The following RASA1 variants were observed in gnomAD, a reference collection of about 807,000 sequenced individuals.
RASA1 encodes ras GTPase-activating protein 1.
RASA1 carries 25 observed loss-of-function variants against 132.2 expected under a neutral mutation model. That is an observed-to-expected ratio of 0.19 (90% CI 0.14 to 0.26). RASA1 has a LOEUF of 0.26. Among genes scored for constraint, RASA1 ranks in the 10% least tolerant of loss-of-function variants. The probability of loss-of-function intolerance (pLI) is 1.00; values close to 1 mark genes in which losing one functional copy is unlikely to be tolerated. For synonymous variants in RASA1, 477 were observed against 449.9 expected (o/e 1.06, Z -0.76); for missense variants, 964 against 1,299.2 (o/e 0.74, Z 3.97).
At chr5:87,290,347 A>C (rs971447679) in intron 1 of RASA1, among the ~76,000 whole-genome samples, 2 of 152,172 alleles carry the variant, frequency 1.3e-5, no homozygotes, top group African/African-American at 4.8e-5. Flanking sequence ...AAAATTAATA[A>C]ACTTTATTTT....
intron 6 of RASA1, among the ~76,000 whole-genome samples, chr5:87,344,701 T>G (rs935006751): frequency 6.4e-4 from 92 of 144,394 alleles, no homozygotes; most frequent in African/African-American, 2.4e-3. Flanking sequence ...TTTTTTTTTG[T>G]AAAGATGAGG....
intron 1 of RASA1, among the ~76,000 whole-genome samples, chr5:87,286,953 A>G (rs926598578): frequency 6.8e-6 from 1 of 148,002 alleles, no homozygotes; most frequent in Non-Finnish European, 1.5e-5. Flanking sequence ...CCATATATAT[A>G]CATACCATAT....
chr5:87,353,359 A>G, intron 9 of RASA1, 124 bp downstream of exon 9: 1 of 818,626 alleles, frequency 1.2e-6, no homozygotes, highest in South Asian at 1.6e-5. Flanking sequence ...GATTATTTAG[A>G]TTTTTTTAGA....
chr5:87,296,208 C>G lies in RASA1; in HGVS notation c.539+27218C>G, dbSNP rs116771873. Among the ~76,000 whole-genome samples the G allele has an allele frequency of 4.7e-3, 715 of 151,736 alleles. 6 individuals carry two copies. The highest frequency in any genetic ancestry group is 0.016 in the African/African-American group (654 of 41,328). ...TTTCCAAGCACATTGTCAAATAGTA[C>G]TGTATTGCTTCATGGGTTGTGTAAG... On this transcript the variant is annotated intron_variant, in intron 1 of 24. Coordinates refer to ENST00000274376, the MANE Select transcript of RASA1 (RefSeq NM_002890.3).
At chr5:87,289,371 A>G (rs1754815995) in intron 1 of RASA1, among the ~76,000 whole-genome samples, 1 of 152,174 alleles carries the variant, frequency 6.6e-6, no homozygotes, top group African/African-American at 2.4e-5. Context: ...TTTATAATTA[A>G]TAAATAATAA....
rs775774342 is a variant in RASA1 at position 87,376,399 on chromosome 5, T to C, written c.2018T>C (p.Met673Thr). ...KKSKDPDILF[M>T]RCQLSRLQKG... is the part of the protein sequence containing the mutation. The stretch of plus-strand genomic sequence containing the variant: ...GCTTGTTTTTCTTCCCAAGTATTTA[T>C]GCGCTGCCAGTTGAGCCGATTACAG... Residue 673 changes from methionine (M) to threonine (T), a missense_variant, in exon 16 of 25, where the codon ATG becomes ACG. By Grantham distance (81) the Met-to-Thr change is moderately conservative. This residue lies in a region of RASA1 where 346 missense variants were observed against 520.1 expected (regional missense o/e 0.67). Coordinates refer to ENST00000274376, the MANE Select transcript of RASA1 (RefSeq NM_002890.3). 1.2e-6 allele frequency: 2 copies of C among 1,613,988 alleles called. No homozygotes were observed. The highest frequency in any genetic ancestry group is 1.7e-6 in the Non-Finnish European group (2 of 1,179,958).
chr5:87,370,005 C>T, intron 12 of RASA1, 105 bp downstream of exon 12: 2 of 952,568 alleles, frequency 2.1e-6, no homozygotes, highest in South Asian at 3.0e-5. Flanking sequence ...TGACAGAACG[C>T]CTGAAATCTA....
chr5:87,284,724 G>T (rs1465471466), intron 1 of RASA1, among the ~76,000 whole-genome samples: 2 of 152,050 alleles, frequency 1.3e-5, no homozygotes, highest in African/African-American at 4.8e-5. Flanking sequence ...TGTTTGGTTA[G>T]CACATAAATC....
chr5:87,388,580 A>G (rs1328813837), intron 23 of RASA1, among the ~76,000 whole-genome samples: 3 of 152,198 alleles, frequency 2.0e-5, no homozygotes, highest in African/African-American at 7.2e-5. Context: ...ATTTTGGGTG[A>G]TATTCAACCT....
At chr5:87,308,255 C>T (rs893856764) in intron 1 of RASA1, among the ~76,000 whole-genome samples, 1 of 151,696 alleles carries the variant, frequency 6.6e-6, no homozygotes, top group African/African-American at 2.4e-5. Context: ...CAGCCTCTTG[C>T]TTTGTGACCA....
intron 1 of RASA1, among the ~76,000 whole-genome samples, chr5:87,322,941 G>A (rs1756936954): frequency 6.6e-6 from 1 of 152,164 alleles, no homozygotes; most frequent in Non-Finnish European, 1.5e-5. Flanking sequence ...TGTGTTTGTG[G>A]AGATATTTGC....
At chr5:87,370,352 G>A (rs1187276176) in intron 12 of RASA1, among the ~76,000 whole-genome samples, 1 of 152,186 alleles carries the variant, frequency 6.6e-6, no homozygotes, top group African/African-American at 2.4e-5. Flanking sequence ...GCCAAGTCGA[G>A]ATATAATGTC....
rs747997542 is a variant in RASA1, at chr5:87,305,212, C to T, written c.540-26136C>T. 8.9e-4 allele frequency among the ~76,000 whole-genome samples: 136 copies of T among 152,138 alleles called. 1 individual carries two copies. Among genetic ancestry groups the T allele is most frequent in the Admixed American group, 1.4e-3 (22 of 15,280 alleles). ...TTTAAGATTTAGTTTTGCCAAAGAACGAAACTGGAGGCATCATGCTACCCA... is the reference window on the plus strand; with the variant it reads ...TTTAAGATTTAGTTTTGCCAAAGAATGAAACTGGAGGCATCATGCTACCCA... On this transcript the variant is annotated intron_variant, in intron 1 of 24. Transcript: ENST00000274376.
intron 5 of RASA1, among the ~76,000 whole-genome samples, chr5:87,338,903 T>C (rs1264647373): frequency 6.6e-6 from 1 of 152,154 alleles, no homozygotes; most frequent in African/African-American, 2.4e-5. Context: ...GTTTCCATCA[T>C]ATAATACGTT....
In RASA1 at chr5:87,374,462, T is replaced by A. The variant is rs868231111; in HGVS notation, c.1934+142T>A. 0.026 allele frequency: 6,618 copies of A among 258,334 alleles called. 68 individuals carry two copies. Among genetic ancestry groups the A allele is most frequent in the Middle Eastern group, 0.041 (25 of 608 alleles). The allele number at this position is 258,334 out of a possible 1,614,324, so 16.0% of individuals were successfully genotyped here. A position where few individuals can be genotyped will look rare whatever the true frequency, so the allele number is the denominator to read the frequency against. On this transcript the variant is annotated intron_variant, in intron 14 of 24. Transcript: ENST00000274376. ...AATAGCATATATATATATATATATT[T>A]TTTTTTTTTTTTTCTGTTGTTTGTT... is the stretch of plus-strand genomic sequence containing the variant.
chr5:87,274,915 T>C (rs768645064), intron 1 of RASA1, among the ~76,000 whole-genome samples: 18 of 152,326 alleles, frequency 1.2e-4, no homozygotes, highest in South Asian at 4.1e-4. Flanking sequence ...ACAGAACTTT[T>C]AGTTACCTGT....
chr5:87,367,913 G>C, intron 11 of RASA1, among the ~76,000 whole-genome samples: 1 of 151,694 alleles, frequency 6.6e-6, no homozygotes, highest in East Asian at 1.9e-4. Context: ...ACTTTCTCTG[G>C]ATGCTTTGAG....
At chr5:87,311,999 G>A (rs1755953000) in intron 1 of RASA1, among the ~76,000 whole-genome samples, 1 of 152,210 alleles carries the variant, frequency 6.6e-6, no homozygotes. Flanking sequence ...GCATACTGGT[G>A]ATATATAAGG....
intron 6 of RASA1, among the ~76,000 whole-genome samples, chr5:87,345,116 G>C (rs1758757890): frequency 6.6e-6 from 1 of 151,884 alleles, no homozygotes; most frequent in East Asian, 1.9e-4. Context: ...TGGGATTACA[G>C]GTGTGATCCC....
Sources: allele counts gnomAD v4.1 joint callset (sites outside exome capture counted in the v4.1 genomes callset), GRCh38; gene constraint gnomAD v4.1.1; regional missense constraint gnomAD v4.1.1; transcripts MANE v1.5; gene names NCBI Gene and HGNC (gene_info 2026-07-23, HGNC 2026-07-21).